COL1A2: variants seen among roughly 807,000 people sequenced by gnomAD.
COL1A2 encodes the protein collagen type I alpha 2 chain.
A neutral mutation model predicts 174.3 loss-of-function variants in COL1A2; 49 were observed. That is an observed-to-expected ratio of 0.28 (90% CI 0.22 to 0.36). COL1A2 has a LOEUF of 0.36. COL1A2 is among the 10% of genes least tolerant of loss of function. The pLI is 1.00. For missense variants in COL1A2, 1,438 were observed against 1,822.7 expected, an observed-to-expected ratio of 0.79 and a Z score of 3.84; for synonymous variants, 655 against 606.6, an observed-to-expected ratio of 1.08 and a Z score of -1.17.
chr7:94,423,569 CTTTTTGTTTTTGT>C (rs202172928), intron 40 of COL1A2: 21 of 170,302 alleles, frequency 1.2e-4, no homozygotes, highest in Middle Eastern at 2.9e-3. Flanking sequence ...TACTGATTTC[CTTTTTGTTTTTGT>C]TTTTTGTTTT....
intron 21 of COL1A2, 50 bp from the exon 22 acceptor site, chr7:94,410,838 CA>C: frequency 6.3e-7 from 1 of 1,589,342 alleles, no homozygotes; most frequent in Non-Finnish European, 8.6e-7. Context: ...TCTACCTTAT[CA>C]AAGCCAAGAG....
chr7:94,414,260 C>T lies in COL1A2; in HGVS notation c.1704C>T (p.Gly568=), dbSNP rs370487959. The stretch of plus-strand genomic sequence containing the variant: ...CCTCAGGTCCCGCTGGTGAAGTTGG[C>T]AAACCAGGAGAAAGGGTGAGTAAAA... The part of the protein sequence containing the change: ...PGPSGPAGEV[G]KPGERGLHGE... Residue 568 remains glycine, a synonymous_variant, in exon 29 of 52, where the codon GGC becomes GGT. Transcript: ENST00000297268. 6 of 1,613,922 alleles carry T rather than the reference C, an allele frequency of 3.7e-6. No individual in the cohort carries two copies. In the African/African-American group the frequency reaches 6.7e-5, roughly 18 times the overall value.
chr7:94,404,096 G>A (rs550959344), intron 6 of COL1A2, among the ~76,000 whole-genome samples: 1 of 152,190 alleles, frequency 6.6e-6, no homozygotes, highest in East Asian at 1.9e-4. Flanking sequence ...TCATTAAGAA[G>A]GACTTTTGAT....
rs1257013329 is a variant in COL1A2, at chr7:94,412,131, G to T, written c.1404+10G>T. ...AAAAGAAGGTCCTGTCGTAAGTATT[G>T]CTCATTTTCCATTATATTTTCAAGG... On this transcript the variant is annotated intron_variant, in intron 24 of 51. Transcript: ENST00000297268. 2 of 1,610,384 alleles carry T rather than the reference G, an allele frequency of 1.2e-6. No individual in the cohort carries two copies. Among genetic ancestry groups the T allele is most frequent in the Admixed American group, 1.7e-5 (1 of 59,878 alleles).
At position 94,409,408 on chromosome 7, in the gene COL1A2, C is replaced by T. The variant is rs780283556; in HGVS notation, c.879C>T (p.Pro293=). Residue 293 remains proline (P), a synonymous_variant, in exon 17 of 52, where the codon CCC becomes CCT. Coordinates refer to ENST00000297268, the MANE Select transcript of COL1A2 (RefSeq NM_000089.4). Reference sequence around the variant, plus strand: ...TGGGTCTTCCAGGCCTCTCCGGCCCCGTTGGACCTCCTGTAAGTAGCCACT... The same window carrying T: ...TGGGTCTTCCAGGCCTCTCCGGCCCTGTTGGACCTCCTGTAAGTAGCCACT... ...GEVGLPGLSG[P]VGPPGNPGAN... 13 of 1,614,100 alleles carry T rather than the reference C, an allele frequency of 8.1e-6. No individual in the cohort carries two copies. The highest frequency in any genetic ancestry group is 1.3e-5 in the African/African-American group (1 of 75,016).
chr7:94,425,573 C>G, intron 42 of COL1A2, 37 bp from the exon 43 acceptor site: 1 of 1,609,102 alleles, frequency 6.2e-7, no homozygotes, highest in Non-Finnish European at 8.5e-7. Context: ...GCAGCAGAGC[C>G]TCACCAACAG....
intron 31 of COL1A2, among the ~76,000 whole-genome samples, chr7:94,417,262 T>A (rs1038963934): frequency 2.0e-5 from 3 of 152,170 alleles, no homozygotes; most frequent in African/African-American, 7.2e-5. Flanking sequence ...GTTTTAAGTA[T>A]GTGGAATTGT....
intron 29 of COL1A2, among the ~76,000 whole-genome samples, chr7:94,414,893 C>A (rs1792006508): frequency 6.6e-6 from 1 of 152,142 alleles, no homozygotes; most frequent in South Asian, 2.1e-4. Context: ...ATCTGTTATA[C>A]AGCTAAAAAT....
intron 8 of COL1A2, 42 bp downstream of exon 8, chr7:94,404,788 G>A (rs781183604): frequency 1.9e-6 from 3 of 1,614,058 alleles, no homozygotes; most frequent in South Asian, 1.1e-5. Context: ...TTTTTTCCAG[G>A]AAGTTTATGA....
chr7:94,426,331 A>T, intron 45 of COL1A2, 92 bp from the exon 46 acceptor site: 1 of 1,177,990 alleles, frequency 8.5e-7, no homozygotes, highest in Non-Finnish European at 1.2e-6. Context: ...GTCCTGAGTT[A>T]CCTTTGTAAA....
At chr7:94,430,027 T>C (rs1378192643) in intron 51 of COL1A2, 8 of 580,092 alleles carry the variant, frequency 1.4e-5, no homozygotes, top group Non-Finnish European at 2.4e-5. Flanking sequence ...TTGGTTTTTT[T>C]GGTTTGTTTG....
chr7:94,412,322 A>G (rs1791944624), intron 24 of COL1A2, among the ~76,000 whole-genome samples: 1 of 151,940 alleles, frequency 6.6e-6, no homozygotes, highest in Non-Finnish European at 1.5e-5. Context: ...AGAGAAAAAC[A>G]TGGCAGGGAA....
intron 21 of COL1A2, 85 bp from the exon 22 acceptor site, chr7:94,410,804 G>A: frequency 7.0e-7 from 1 of 1,426,246 alleles, no homozygotes; most frequent in Non-Finnish European, 9.9e-7. Flanking sequence ...CCCCTGTAAG[G>A]AGATCATGCT....
At chr7:94,412,549 G>C in intron 24 of COL1A2, 35 bp from the exon 25 acceptor site, 1 of 1,544,022 alleles carries the variant, frequency 6.5e-7, no homozygotes. Context: ...AGAATATGTT[G>C]ACACTGAGTA....
intron 51 of COL1A2, 138 bp from the exon 52 acceptor site, chr7:94,430,109 G>A: frequency 1.2e-6 from 1 of 860,186 alleles, no homozygotes; most frequent in South Asian, 1.4e-5. Context: ...TTATTTCAAG[G>A]ATGAACTTAT....
intron 22 of COL1A2, 23 bp downstream of exon 22, chr7:94,410,965 C>T: frequency 6.2e-7 from 1 of 1,613,270 alleles, no homozygotes; most frequent in Non-Finnish European, 8.5e-7. Flanking sequence ...TCACTTACTT[C>T]CTAGAAAGGG....
Position 94,413,803 on chromosome 7 carries a change from G to A in COL1A2, c.1611+60G>A. Reference sequence around the variant, plus strand: ...CTAGAATGTATATAGTCCTCAAACTGGCCATCTCCATTTTCAGTCCAAAAG... The same window carrying A: ...CTAGAATGTATATAGTCCTCAAACTAGCCATCTCCATTTTCAGTCCAAAAG... On this transcript the variant is annotated intron_variant, in intron 27 of 51. Transcript: ENST00000297268. The A allele has an allele frequency of 1.9e-6, 3 of 1,609,298 alleles. No individual in the cohort carries two copies. The Admixed American group carries it at 5.0e-5, about 27-fold the overall frequency.
Position 94,395,010 on chromosome 7 carries a change from T to C in COL1A2, c.-22T>C, listed in dbSNP as rs765481774. ...CCCAGGGGCTCTGCGACACAAGGAG[T>C]CTGCATGTCTAAGTGCTAGACATGC... is the stretch of plus-strand genomic sequence containing the variant. On this transcript the variant is annotated 5_prime_UTR_variant, in exon 1 of 52. Coordinates refer to ENST00000297268, the MANE Select transcript of COL1A2 (RefSeq NM_000089.4). 2 of 1,611,602 alleles carry C rather than the reference T, an allele frequency of 1.2e-6. No homozygotes were observed. Among genetic ancestry groups the C allele is most frequent in the African/African-American group, 2.7e-5 (2 of 74,852 alleles).
chr7:94,421,426 A>C, intron 38 of COL1A2: 2 of 389,780 alleles, frequency 5.1e-6, no homozygotes, highest in South Asian at 2.7e-5. Context: ...GCTCCCCAAA[A>C]ATGAACTTTA....
Sources: gnomAD v4.1 joint callset for allele counts (sites outside exome capture counted in the v4.1 genomes callset) on GRCh38, gnomAD v4.1.1 for gene constraint, MANE v1.5 for transcripts, NCBI Gene and HGNC (gene_info 2026-07-23, HGNC 2026-07-21) for gene names.